DPP10: variants seen among roughly 807,000 people sequenced by gnomAD.
The protein encoded by DPP10 is inactive dipeptidyl peptidase 10.
In DPP10, 33 loss-of-function variants were observed where a neutral mutation model predicts 120.9. The observed-to-expected ratio is 0.27, with a 90% CI of 0.21 to 0.37. DPP10 has a LOEUF of 0.37. Ranked by LOEUF, DPP10 falls within the 10% of genes least tolerant of loss-of-function variation. The pLI, the probability that DPP10 is intolerant of heterozygous loss-of-function variation, is 1.00. For synonymous variants in DPP10, 337 were observed against 326.1 expected, an observed-to-expected ratio of 1.03 and a Z score of -0.36; for missense variants, 816 against 942.8, an observed-to-expected ratio of 0.87 and a Z score of 1.76.
chr2:114,921,388 T>C (rs924773440), intron 1 of DPP10, among the ~76,000 whole-genome samples: 6 of 152,228 alleles, frequency 3.9e-5, no homozygotes, highest in Non-Finnish European at 5.9e-5. Context: ...ATAAAACACA[T>C]GGGTAAAATT....
At chr2:114,648,226 G>A (rs939936483) in intron 1 of DPP10, among the ~76,000 whole-genome samples, 1 of 152,164 alleles carries the variant, frequency 6.6e-6, no homozygotes, top group Admixed American at 6.5e-5. Context: ...GAAAGCTCAT[G>A]CTGCCTCCTG....
chr2:114,689,223 C>T (rs1015015215), intron 1 of DPP10, among the ~76,000 whole-genome samples: 13 of 151,510 alleles, frequency 8.6e-5, no homozygotes, highest in African/African-American at 2.9e-4. Flanking sequence ...TGCTCTCCCT[C>T]TCCCATGCCC....
intron 1 of DPP10, among the ~76,000 whole-genome samples, chr2:115,136,501 T>C (rs1446649945): frequency 2.0e-5 from 3 of 152,340 alleles, no homozygotes; most frequent in African/African-American, 4.8e-5. Flanking sequence ...TGAAAGCTCA[T>C]GTATATGTAT....
intron 3 of DPP10, among the ~76,000 whole-genome samples, chr2:115,441,322 C>CA (rs1210282580): frequency 6.6e-6 from 1 of 152,162 alleles, no homozygotes. Flanking sequence ...TGGAGTTCTT[C>CA]AGCAAGCTGT....
Position 115,739,888 on chromosome 2 carries a change from C to T in DPP10, c.847C>T (p.Pro283Ser). Residue 283 changes from proline (P) to serine (S), a missense_variant, in exon 9 of 26, where the codon CCT (proline) becomes TCT (serine). By Grantham distance (74) the Pro-to-Ser change is moderately conservative (BLOSUM62 -1). Coordinates refer to ENST00000410059, the MANE Select transcript of DPP10 (RefSeq NM_020868.6). ...LYPKGKQYPY[P>S]KAGQVNPTIK... ...TCCCAAAGGAAAGCAGTATCCGTAT[C>T]CTAAGGTAAGTAACATGGAAGTACT... is the stretch of plus-strand genomic sequence containing the variant. The T allele has an allele frequency of 1.2e-6, 2 of 1,613,020 alleles. No individual in the cohort carries two copies. Among genetic ancestry groups the T allele is most frequent in the Non-Finnish European group, 1.7e-6 (2 of 1,179,180 alleles).
chr2:114,959,260 C>A (rs1374998943), intron 1 of DPP10, among the ~76,000 whole-genome samples: 1 of 152,156 alleles, frequency 6.6e-6, no homozygotes, highest in Non-Finnish European at 1.5e-5. Context: ...AGTATATTCA[C>A]AATCACTAGT....
At chr2:115,380,543 T>G (rs1222886337) in intron 3 of DPP10, among the ~76,000 whole-genome samples, 2 of 152,124 alleles carry the variant, frequency 1.3e-5, no homozygotes, top group Non-Finnish European at 2.9e-5. Context: ...GAGCATTTAG[T>G]CCATTTACAT....
chr2:115,006,690 C>A (rs1219799640), intron 1 of DPP10, among the ~76,000 whole-genome samples: 1 of 151,336 alleles, frequency 6.6e-6, no homozygotes. Context: ...TATATGCACC[C>A]AATACAGGAG....
At chr2:114,870,700 T>A (rs1165763909) in intron 1 of DPP10, among the ~76,000 whole-genome samples, 1 of 135,946 alleles carries the variant, frequency 7.4e-6, no homozygotes, top group Non-Finnish European at 1.6e-5. Context: ...CTAAAAAAAA[T>A]GATTCCAATG....
chr2:115,334,276 A>G (rs1368768277), intron 2 of DPP10, among the ~76,000 whole-genome samples: 2 of 86,318 alleles, frequency 2.3e-5, no homozygotes, highest in East Asian at 6.8e-4. Context: ...GCAACAAGAG[A>G]TTAGAAAGAG....
At chr2:115,169,025 G>A (rs1272584424) in intron 1 of DPP10, among the ~76,000 whole-genome samples, 4 of 152,022 alleles carry the variant, frequency 2.6e-5, no homozygotes, top group Non-Finnish European at 5.9e-5. Context: ...TTATTTAAAA[G>A]TTATTAAAAT....
intron 3 of DPP10, among the ~76,000 whole-genome samples, chr2:115,427,562 A>G (rs1330459402): frequency 6.6e-6 from 1 of 152,076 alleles, no homozygotes; most frequent in Non-Finnish European, 1.5e-5. Flanking sequence ...AGCCATTATG[A>G]TAGGAGGAGC....
chr2:115,079,069 C>T (rs376658811), intron 1 of DPP10, among the ~76,000 whole-genome samples: 3 of 152,264 alleles, frequency 2.0e-5, no homozygotes, highest in African/African-American at 4.8e-5. Flanking sequence ...CACTCTACAC[C>T]GTGCTGGGAC....
chr2:115,741,360 A>T (rs80080438), intron 9 of DPP10, among the ~76,000 whole-genome samples: 4 of 151,992 alleles, frequency 2.6e-5, no homozygotes, highest in Admixed American at 6.6e-5. Context: ...CACAAAAAAA[A>T]AATACTAAGA....
intron 1 of DPP10, among the ~76,000 whole-genome samples, chr2:114,619,036 G>A (rs1459940495): frequency 6.6e-6 from 1 of 151,930 alleles, no homozygotes; most frequent in Non-Finnish European, 1.5e-5. Context: ...GACCACACAT[G>A]GGAAAGGAAA....
At chr2:114,729,222 A>T (rs910510841) in intron 1 of DPP10, among the ~76,000 whole-genome samples, 9 of 152,266 alleles carry the variant, frequency 5.9e-5, no homozygotes, top group African/African-American at 1.7e-4. Flanking sequence ...AAAACTTTTA[A>T]TACACATTTC....
chr2:114,656,419 G>T (rs905834375), intron 1 of DPP10, among the ~76,000 whole-genome samples: 2 of 152,046 alleles, frequency 1.3e-5, no homozygotes, highest in African/African-American at 2.4e-5. Context: ...AGAAGATAAA[G>T]GAGAGGACGG....
chr2:114,765,548 C>A (rs1680639611), intron 1 of DPP10, among the ~76,000 whole-genome samples: 2 of 152,162 alleles, frequency 1.3e-5, no homozygotes, highest in Admixed American at 1.3e-4. Context: ...CTTCAAAAGA[C>A]ACTCCTACTA....
At chr2:114,635,631 T>C (rs1376552730) in intron 1 of DPP10, among the ~76,000 whole-genome samples, 1 of 151,898 alleles carries the variant, frequency 6.6e-6, no homozygotes, top group East Asian at 1.9e-4. Context: ...AAATTTATCA[T>C]GGTAGATTGA....
Sources: allele counts gnomAD v4.1 joint callset (sites outside exome capture counted in the v4.1 genomes callset), GRCh38; gene constraint gnomAD v4.1.1; transcripts MANE v1.5; gene names NCBI Gene and HGNC (gene_info 2026-07-23, HGNC 2026-07-21).